The following MPDZ variants were observed in gnomAD, a reference collection of about 807,000 sequenced individuals.
MPDZ encodes the protein multiple PDZ domain crumbs cell polarity complex component.
MPDZ carries 234 observed loss-of-function variants against 239.1 expected under a neutral mutation model. That is an observed-to-expected ratio of 0.98 (90% CI 0.88 to 1.09). The LOEUF is 1.09. Ranked by LOEUF, MPDZ falls within the 50% of genes least tolerant of loss-of-function variation. The pLI is 0.00. For missense variants in MPDZ, 3,175 were observed against 2,510.0 expected, an observed-to-expected ratio of 1.26 and a Z score of -5.66; for synonymous variants, 1,048 against 881.3, an observed-to-expected ratio of 1.19 and a Z score of -3.35.
chr9:13,169,599 C>T (rs573473630), intron 21 of MPDZ, among the ~76,000 whole-genome samples: 155 of 152,218 alleles, frequency 1.0e-3, no homozygotes, highest in Non-Finnish European at 4.6e-4. Context: ...GGTCACCTGC[C>T]TTCCATGATT....
At chr9:13,273,262 A>C (rs1410507580) in intron 1 of MPDZ, among the ~76,000 whole-genome samples, 1 of 152,226 alleles carries the variant, frequency 6.6e-6, no homozygotes, top group Non-Finnish European at 1.5e-5. Context: ...GCAAGGTATA[A>C]GAGAAACTGG....
intron 10 of MPDZ, among the ~76,000 whole-genome samples, chr9:13,212,749 G>A (rs1207199460): frequency 6.9e-6 from 1 of 144,580 alleles, no homozygotes; most frequent in Non-Finnish European, 1.5e-5. Flanking sequence ...GAGGCGAGAG[G>A]ATCTGTCAAG....
intron 1 of MPDZ, among the ~76,000 whole-genome samples, chr9:13,269,114 C>T (rs923301453): frequency 1.3e-5 from 2 of 152,080 alleles, no homozygotes; most frequent in African/African-American, 2.4e-5. Context: ...ATCAAAAGGA[C>T]TCAGTGACCA....
At chr9:13,117,012 T>A (rs1943565240) in intron 39 of MPDZ, among the ~76,000 whole-genome samples, 1 of 152,172 alleles carries the variant, frequency 6.6e-6, no homozygotes, top group African/African-American at 2.4e-5. Flanking sequence ...TGGATAGTGC[T>A]GAACTCTATA....
chr9:13,173,436 C>T (rs747065642), intron 21 of MPDZ, among the ~76,000 whole-genome samples: 25 of 152,106 alleles, frequency 1.6e-4, no homozygotes, highest in Non-Finnish European at 3.1e-4. Context: ...GGCAGGGTGA[C>T]TCGTGCCTGT....
At chr9:13,266,156 T>A (rs1276936367) in intron 1 of MPDZ, among the ~76,000 whole-genome samples, 1 of 152,192 alleles carries the variant, frequency 6.6e-6, no homozygotes, top group African/African-American at 2.4e-5. Flanking sequence ...TCCCCAACCA[T>A]CAGCGCCTCC....
chr9:13,148,454 G>T (rs1202970622), intron 25 of MPDZ, among the ~76,000 whole-genome samples: 1 of 151,780 alleles, frequency 6.6e-6, no homozygotes, highest in Admixed American at 6.6e-5. Context: ...AACCCAGAGT[G>T]GACACAACTC....
intron 3 of MPDZ, among the ~76,000 whole-genome samples, chr9:13,226,503 T>C (rs951963432): frequency 6.6e-6 from 1 of 152,046 alleles, no homozygotes; most frequent in Non-Finnish European, 1.5e-5. Flanking sequence ...TGCCTCAAAG[T>C]GCCAAGCTGT....
chr9:13,254,493 TTAG>T (rs1284513809), intron 1 of MPDZ, among the ~76,000 whole-genome samples: 1 of 152,204 alleles, frequency 6.6e-6, no homozygotes, highest in Non-Finnish European at 1.5e-5. Context: ...AATTTTATTA[TTAG>T]TTGTTGTTAA....
In MPDZ at chr9:13,140,112, G is replaced by T. The variant is rs1299369182; in HGVS notation, c.3878C>A (p.Pro1293Gln). 7 of 1,613,324 alleles carry T rather than the reference G, an allele frequency of 4.3e-6. No homozygotes were observed. Among genetic ancestry groups the T allele is most frequent in the Non-Finnish European group, 5.9e-6 (7 of 1,179,756 alleles). Residue 1293 changes from proline (P) to glutamine (Q), a missense_variant, in exon 28 of 47, where the codon CCA becomes CAA. Physicochemically the swap from Pro to Gln is moderately conservative, Grantham distance 76. Transcript: ENST00000319217. The stretch of plus-strand genomic sequence containing the variant: ...AGGGGGTGGGGGCACACTGCACAAT[G>T]GAGCCTTCTCTGGCTCTGACTCTGA... ...SQSESEPEKA[P>Q]LCSVPPPPPS...
intron 29 of MPDZ, among the ~76,000 whole-genome samples, chr9:13,137,278 CTG>C (rs1946964752): frequency 1.3e-5 from 2 of 152,160 alleles, no homozygotes; most frequent in African/African-American, 2.4e-5. Flanking sequence ...AGGCAGCAAA[CTG>C]TGCCTAAACA....
chr9:13,112,299 C>T (rs1313764333), intron 42 of MPDZ, among the ~76,000 whole-genome samples, 153 bp from the exon 43 acceptor site: 2 of 152,128 alleles, frequency 1.3e-5, no homozygotes, highest in Admixed American at 1.3e-4. Flanking sequence ...CTTTACTTGA[C>T]ACAGGTGCTT....
At chr9:13,250,214 G>A in intron 2 of MPDZ, 86 bp downstream of exon 2, 2 of 1,250,838 alleles carry the variant, frequency 1.6e-6, no homozygotes, top group Non-Finnish European at 2.3e-6. Flanking sequence ...ACAGAATCCT[G>A]CTATGTTAAA....
intron 5 of MPDZ, among the ~76,000 whole-genome samples, 186 bp downstream of exon 5, chr9:13,223,385 C>T (rs1400393092): frequency 6.6e-6 from 1 of 151,944 alleles, no homozygotes; most frequent in Non-Finnish European, 1.5e-5. Context: ...TATCTAAAAG[C>T]TACTCTCATT....
chr9:13,204,955 G>A (rs763984544), intron 12 of MPDZ, 81 bp downstream of exon 12: 69 of 919,482 alleles, frequency 7.5e-5, no homozygotes, highest in Admixed American at 1.2e-4. Flanking sequence ...TATATCCATA[G>A]AGGCTTAATC....
At chr9:13,115,643 G>A (rs1320054116) in intron 39 of MPDZ, among the ~76,000 whole-genome samples, 1 of 151,842 alleles carries the variant, frequency 6.6e-6, no homozygotes, top group African/African-American at 2.4e-5. Context: ...AATTTTGATA[G>A]GACAAACAAG....
intron 46 of MPDZ, among the ~76,000 whole-genome samples, chr9:13,108,583 C>T (rs574924729): frequency 6.6e-6 from 1 of 152,024 alleles, no homozygotes; most frequent in East Asian, 1.9e-4. Flanking sequence ...AACAGAAATA[C>T]CAGTGCTCTA....
intron 1 of MPDZ, among the ~76,000 whole-genome samples, chr9:13,264,618 ATATT>A (rs1971409310): frequency 6.6e-6 from 1 of 151,128 alleles, no homozygotes; most frequent in Non-Finnish European, 1.5e-5. Context: ...CCATTGCATT[ATATT>A]TATTTCCTTC....
At chr9:13,135,871 C>T (rs1410578483) in intron 31 of MPDZ, 5 of 366,152 alleles carry the variant, frequency 1.4e-5, no homozygotes, top group East Asian at 4.3e-5. Context: ...TCTTTTCCTA[C>T]CCTCACTATT....
Sources: gnomAD v4.1 joint callset for allele counts (sites outside exome capture counted in the v4.1 genomes callset) on GRCh38, gnomAD v4.1.1 for gene constraint, MANE v1.5 for transcripts, NCBI Gene and HGNC (gene_info 2026-07-23, HGNC 2026-07-21) for gene names.